AFM: variants seen among roughly 807,000 people sequenced by gnomAD.
The protein encoded by AFM is afamin, also known as alpha-Alb.
AFM carries 82 observed loss-of-function variants against 68.7 expected under a neutral mutation model. The observed-to-expected ratio is 1.19, with a 90% CI of 1.00 to 1.43. The LOEUF is 1.43. AFM is among the 40% of genes most tolerant of loss of function. The probability of loss-of-function intolerance (pLI) is 0.00; values close to 1 mark genes in which losing one functional copy is unlikely to be tolerated. For synonymous variants in AFM, 250 were observed against 234.2 expected (o/e 1.07, Z -0.61); for missense variants, 772 against 701.8 (o/e 1.10, Z -1.13).
chr4:73,499,021 C>G lies in AFM; in HGVS notation c.1290-93C>G, dbSNP rs940382099. On this transcript the variant is annotated intron_variant, in intron 10 of 14. Transcript: ENST00000226355. The stretch of plus-strand genomic sequence containing the variant: ...TTCATGTTGCACCTATATTGGTTGT[C>G]GCTAGCCTTGAAGGGTCTGGGCTTC... The G allele has an allele frequency of 2.2e-6, 3 of 1,352,880 alleles. No homozygotes were observed. In the East Asian group the frequency reaches 7.4e-5, roughly 33 times the overall value. The allele number at this position is 1,352,880 out of a possible 1,614,324, so 83.8% of individuals were successfully genotyped here. A position where few individuals can be genotyped will look rare whatever the true frequency, so the allele number is the denominator to read the frequency against.
At chr4:73,492,611 T>C (rs1434234043) in intron 8 of AFM, among the ~76,000 whole-genome samples, 2 of 149,146 alleles carry the variant, frequency 1.3e-5, no homozygotes, top group African/African-American at 5.1e-5. Flanking sequence ...TGGGACAAGT[T>C]AACCTTTCTG....
chr4:73,482,764 C>A (rs545261734), intron 1 of AFM, among the ~76,000 whole-genome samples: 1 of 152,166 alleles, frequency 6.6e-6, no homozygotes, highest in Non-Finnish European at 1.5e-5. Flanking sequence ...TTGTCCCATC[C>A]ACCCTTCTTT....
At chr4:73,486,629 G>T (rs1720908864) in intron 4 of AFM, among the ~76,000 whole-genome samples, 1 of 152,126 alleles carries the variant, frequency 6.6e-6, no homozygotes, top group Non-Finnish European at 1.5e-5. Flanking sequence ...CTGACCAGCT[G>T]GTAGCATGTG....
intron 5 of AFM, 51 bp downstream of exon 5, chr4:73,487,150 C>T (rs1178499202): frequency 6.3e-7 from 1 of 1,590,892 alleles, no homozygotes; most frequent in South Asian, 1.1e-5. Flanking sequence ...CTCAATACCA[C>T]AGATCCAGAC....
intron 12 of AFM, 116 bp downstream of exon 12, chr4:73,500,343 C>T (rs1259871254): frequency 1.1e-6 from 1 of 914,624 alleles, no homozygotes; most frequent in Admixed American, 2.8e-5. Context: ...GTTCCTTCCA[C>T]CAAATTGTCC....
intron 14 of AFM, among the ~76,000 whole-genome samples, chr4:73,503,555 A>T (rs1577983169): frequency 6.6e-6 from 1 of 152,274 alleles, no homozygotes; most frequent in East Asian, 1.9e-4. Context: ...TCACATACAA[A>T]CCAAGGGTAT....
chr4:73,499,122 T>A lies in AFM; in HGVS notation c.1298T>A (p.Ile433Asn). Residue 433 changes from isoleucine to asparagine, a missense_variant, in exon 11 of 15, where the codon ATC becomes AAC. Physicochemically the swap from Ile to Asn is moderately radical, Grantham distance 149. Coordinates refer to ENST00000226355, the MANE Select transcript of AFM (RefSeq NM_001133.2). ...GACAAATGTTCTTTCAGTTACCTCA[T>A]CAGGCTCACGAAGATAGCTCCCCAA... Reference protein sequence around the residue: ...GKDGLKYHYLIRLTKIAPQLS... With the variant: ...GKDGLKYHYLNRLTKIAPQLS... 3.7e-6 allele frequency: 6 copies of A among 1,611,634 alleles called. No individual in the cohort carries two copies. The highest frequency in any genetic ancestry group is 5.1e-6 in the Non-Finnish European group (6 of 1,178,962).
At position 73,495,120 on chromosome 4, in the gene AFM, A is replaced by G. The variant is rs907434243; in HGVS notation, c.1059-180A>G. Reference sequence around the variant, plus strand: ...AATCTAAAACGTACCATGGAAGAGAACTTTTGTAAAATGATCTATAGCCAA... The same window carrying G: ...AATCTAAAACGTACCATGGAAGAGAGCTTTTGTAAAATGATCTATAGCCAA... On this transcript the variant is annotated intron_variant, in intron 8 of 14. Coordinates refer to ENST00000226355, the MANE Select transcript of AFM (RefSeq NM_001133.2). 1.1e-5 allele frequency: 5 copies of G among 453,660 alleles called. No individual in the cohort carries two copies. The Admixed American group carries it at 1.1e-4, about 10-fold the overall frequency. The allele number at this position is 453,660 out of a possible 1,614,324, so 28.1% of individuals were successfully genotyped here. A position where few individuals can be genotyped will look rare whatever the true frequency, so the allele number is the denominator to read the frequency against.
intron 5 of AFM, 102 bp from the exon 6 acceptor site, chr4:73,487,622 T>A (rs1277230180): frequency 1.9e-5 from 15 of 785,700 alleles, no homozygotes; most frequent in Middle Eastern, 3.4e-4. Context: ...ATTTTCTGTC[T>A]CTGAACAAAT....
At position 73,491,866 on chromosome 4, in the gene AFM, G is replaced by A; in HGVS notation, c.844-6G>A. 6.2e-7 allele frequency: 1 copy of A among 1,609,462 alleles called. No homozygotes were observed. Among genetic ancestry groups the A allele is most frequent in the Non-Finnish European group, 8.5e-7 (1 of 1,177,320 alleles). ...TAAAATAATCTCTCATTCTTATTTG[G>A]TACAGAGCAAGGTTATGAACCATAT... On this transcript the variant is annotated splice_region_variant and splice_polypyrimidine_tract_variant and intron_variant, in intron 7 of 14. Transcript: ENST00000226355.
chr4:73,496,260 A>G (rs1470288798), intron 9 of AFM, among the ~76,000 whole-genome samples: 1 of 152,162 alleles, frequency 6.6e-6, no homozygotes, highest in African/African-American at 2.4e-5. Context: ...AACAGACTTG[A>G]AAATAAACTT....
intron 8 of AFM, among the ~76,000 whole-genome samples, chr4:73,493,355 T>C (rs1721151412): frequency 6.6e-6 from 1 of 152,210 alleles, no homozygotes; most frequent in African/African-American, 2.4e-5. Context: ...AGTTTTCCCA[T>C]TCAATGTGAA....
chr4:73,495,478 A>G, intron 9 of AFM, 46 bp downstream of exon 9: 1 of 1,586,616 alleles, frequency 6.3e-7, no homozygotes, highest in African/African-American at 1.4e-5. Context: ...AAGAACAACT[A>G]GAAAACACTT....
intron 4 of AFM, 48 bp downstream of exon 4, chr4:73,486,121 A>T (rs559670533): frequency 1.8e-5 from 26 of 1,444,906 alleles, no homozygotes; most frequent in Middle Eastern, 3.6e-4. Flanking sequence ...AATTAGTCTT[A>T]GGCTGAATCT....
rs1721356017 is a variant in AFM at position 73,499,368 on chromosome 4, C to A, written c.1422+122C>A. 5.8e-6 allele frequency: 6 copies of A among 1,041,528 alleles called. No homozygotes were observed. The Admixed American group carries it at 2.0e-4, about 34-fold the overall frequency. The allele number at this position is 1,041,528 out of a possible 1,614,324, so 64.5% of individuals were successfully genotyped here. ...TCTTCACTGTTTTAATATTGTTAAG[C>A]AAAAATTGTCAAGTTTTCCTTTTGG... On this transcript the variant is annotated intron_variant, in intron 11 of 14. Coordinates refer to ENST00000226355, the MANE Select transcript of AFM (RefSeq NM_001133.2).
chr4:73,486,940 T>A, intron 4 of AFM, 27 bp from the exon 5 acceptor site: 2 of 1,604,558 alleles, frequency 1.2e-6, no homozygotes, highest in Non-Finnish European at 1.7e-6. Flanking sequence ...TCACCCGTCT[T>A]CTCTCTTTCA....
At position 73,503,166 on chromosome 4, in the gene AFM, C is replaced by A. The variant is rs921151355; in HGVS notation, c.*40+56C>A. ...ATGTATTTGTGGCTTATCTGATCTC[C>A]TTGCCTTTTCTCCCTCATGCTTCTT... On this transcript the variant is annotated intron_variant, in intron 14 of 14. Transcript: ENST00000226355. 1.9e-5 allele frequency: 25 copies of A among 1,321,370 alleles called. No homozygotes were observed. The African/African-American group carries it at 3.2e-4, about 17-fold the overall frequency. The allele number at this position is 1,321,370 out of a possible 1,614,324, so 81.9% of individuals were successfully genotyped here. A position where few individuals can be genotyped will look rare whatever the true frequency, so the allele number is the denominator to read the frequency against.
At position 73,484,151 on chromosome 4, in the gene AFM, C is replaced by A. The variant is rs1720789330; in HGVS notation, c.138-107C>A. On this transcript the variant is annotated intron_variant, in intron 2 of 14. Coordinates refer to ENST00000226355, the MANE Select transcript of AFM (RefSeq NM_001133.2). ...GAAGTTGTAAAATTTATAGCCATTA[C>A]AATAGATAATTTCCTGAGGCTAGTC... The A allele has an allele frequency of 4.0e-5, 58 of 1,450,718 alleles. 1 individual carries two copies. In the South Asian group the frequency reaches 8.0e-4, roughly 20 times the overall value. The allele number at this position is 1,450,718 out of a possible 1,614,324, so 89.9% of individuals were successfully genotyped here.
Position 73,499,201 on chromosome 4 carries a change from T to A in AFM, c.1377T>A (p.Thr459=), listed in dbSNP as rs762071107. Residue 459 remains threonine, a synonymous_variant, in exon 11 of 15, where the codon ACT becomes ACA. Coordinates refer to ENST00000226355, the MANE Select transcript of AFM (RefSeq NM_001133.2). ...GCGAGAAAATGGTGACAGCTTTCAC[T>A]ACTTGCTGTACGCTAAGTGAAGAGT... ...SLGEKMVTAF[T]TCCTLSEEFA... 2 of 1,612,988 alleles carry A rather than the reference T, an allele frequency of 1.2e-6. No individual in the cohort carries two copies. Among genetic ancestry groups the A allele is most frequent in the African/African-American group, 2.7e-5 (2 of 74,942 alleles).
Sources: gnomAD v4.1 joint callset for allele counts (sites outside exome capture counted in the v4.1 genomes callset) on GRCh38, gnomAD v4.1.1 for gene constraint, MANE v1.5 for transcripts, NCBI Gene and HGNC (gene_info 2026-07-23, HGNC 2026-07-21) for gene names.